PKP4: variants seen among roughly 807,000 people sequenced by gnomAD.
PKP4 encodes the protein plakophilin-4.
In PKP4, 90 loss-of-function variants were observed where a neutral mutation model predicts 145.1. That is an observed-to-expected ratio of 0.62 (90% CI 0.52 to 0.74). The LOEUF (loss-of-function observed/expected upper bound fraction) is 0.74, where lower values mean the gene tolerates loss of function less well. Among genes scored for constraint, PKP4 ranks in the 30% least tolerant of loss-of-function variants. PKP4 has a pLI of 0.00. For synonymous variants in PKP4, 563 were observed against 577.2 expected (o/e 0.98, Z 0.35); for missense variants, 1,340 against 1,482.7 (o/e 0.90, Z 1.58).
At chr2:158,600,117 A>C (rs189034485) in intron 3 of PKP4, among the ~76,000 whole-genome samples, 83 of 152,366 alleles carry the variant, frequency 5.4e-4, no homozygotes, top group East Asian at 5.8e-4. Flanking sequence ...TTTTCGTATT[A>C]AAATGAACTG....
At chr2:158,466,415 G>A (rs937946911) in intron 1 of PKP4, among the ~76,000 whole-genome samples, 6 of 152,040 alleles carry the variant, frequency 3.9e-5, no homozygotes, top group African/African-American at 1.4e-4. Flanking sequence ...AGAAATTAAC[G>A]GCTGGGTGCA....
chr2:158,552,225 A>T (rs1170836754), intron 2 of PKP4, among the ~76,000 whole-genome samples: 1 of 152,198 alleles, frequency 6.6e-6, no homozygotes, highest in African/African-American at 2.4e-5. Flanking sequence ...GGCAAAGAAG[A>T]GGTTTTTCCC....
intron 19 of PKP4, among the ~76,000 whole-genome samples, chr2:158,675,734 T>C (rs1161277430): frequency 6.6e-6 from 1 of 152,226 alleles, no homozygotes; most frequent in South Asian, 2.1e-4. Flanking sequence ...GAGCAGCACA[T>C]AGACATTGTC....
intron 1 of PKP4, among the ~76,000 whole-genome samples, chr2:158,490,331 C>G (rs1694758474): frequency 6.8e-6 from 1 of 147,364 alleles, no homozygotes. Flanking sequence ...TGATAACAGA[C>G]CTGGTCACCA....
chr2:158,570,442 C>G (rs974510150), intron 2 of PKP4, among the ~76,000 whole-genome samples: 1 of 152,200 alleles, frequency 6.6e-6, no homozygotes, highest in Non-Finnish European at 1.5e-5. Flanking sequence ...TCTTAAAAAT[C>G]TAGTCAGTGA....
Position 158,666,500 on chromosome 2 carries a change from G to A in PKP4, c.2665G>A (p.Val889Ile), listed in dbSNP as rs781193133. The change falls in exon 16 of 22, where the codon GTT (valine) becomes ATT (isoleucine). Residue 889 changes from valine to isoleucine, a missense_variant. Val to Ile is a conservative substitution (Grantham distance 29). Coordinates refer to ENST00000389759, the MANE Select transcript of PKP4 (RefSeq NM_003628.6). ...ELLRMDNDRV[V>I]SSVATALRNM... The stretch of plus-strand genomic sequence containing the variant: ...TCTGAGAATGGATAACGATAGAGTT[G>A]TTTCTTCCGTGGCAACAGCCTTGAG... 3 of 1,613,754 alleles carry A rather than the reference G, an allele frequency of 1.9e-6. No homozygotes were observed. Among genetic ancestry groups the A allele is most frequent in the Non-Finnish European group, 2.5e-6 (3 of 1,179,848 alleles).
In PKP4 at chr2:158,630,270, G is replaced by A. The variant is rs182990521; in HGVS notation, c.1154-1483G>A. On this transcript the variant is annotated intron_variant, in intron 7 of 21. Transcript: ENST00000389759. Reference sequence around the variant, plus strand: ...AGAAATTGAAATGTTTGGGTTTGAAGTATACCTTTTTATCATGAGTCCCAT... The same window carrying A: ...AGAAATTGAAATGTTTGGGTTTGAAATATACCTTTTTATCATGAGTCCCAT... Among the ~76,000 whole-genome samples the A allele has an allele frequency of 9.5e-3, 1,447 of 152,240 alleles. 4 individuals are homozygous for A. The highest frequency in any genetic ancestry group is 0.041 in the Middle Eastern group (12 of 294).
At chr2:158,620,946 T>A in intron 4 of PKP4, 44 bp from the exon 5 acceptor site, 1 of 1,566,002 alleles carries the variant, frequency 6.4e-7, no homozygotes, top group Non-Finnish European at 8.8e-7. Flanking sequence ...CAAGTTTTTA[T>A]GTAATGTTAT....
At chr2:158,519,049 T>C (rs1199014445) in intron 1 of PKP4, among the ~76,000 whole-genome samples, 1 of 152,124 alleles carries the variant, frequency 6.6e-6, no homozygotes, top group African/African-American at 2.4e-5. Context: ...TTTCTTCTTT[T>C]TTCTCTTTTC....
chr2:158,568,000 C>T (rs1415637117), intron 2 of PKP4, among the ~76,000 whole-genome samples: 1 of 152,144 alleles, frequency 6.6e-6, no homozygotes, highest in East Asian at 1.9e-4. Flanking sequence ...CAGTGGTTTT[C>T]AACCTTCCGT....
At chr2:158,556,222 T>C (rs556960292) in intron 2 of PKP4, among the ~76,000 whole-genome samples, 2 of 152,186 alleles carry the variant, frequency 1.3e-5, no homozygotes, top group African/African-American at 4.8e-5. Flanking sequence ...GTGAAAAATA[T>C]CTTCATATCG....
rs1249076901 is a variant in PKP4, at chr2:158,642,536, A to C, written c.1746A>C (p.Arg582Ser). Residue 582 changes from arginine (R) to serine (S), a missense_variant, in exon 11 of 22, where the codon AGA becomes AGC. Transcript: ENST00000389759. ...ATCTGGTTGACCTTCTGGACCACAG[A>C]GTTTTGGAAGTTCAGAAGAATGCTT... Reference protein sequence around the residue: ...IKHLVDLLDHRVLEVQKNACG... With the variant: ...IKHLVDLLDHSVLEVQKNACG... 1.9e-6 allele frequency: 3 copies of C among 1,613,562 alleles called. 1 individual carries two copies. In the South Asian group the frequency reaches 3.3e-5, roughly 18 times the overall value.
chr2:158,482,955 G>T (rs142865433), intron 1 of PKP4, among the ~76,000 whole-genome samples: 1 of 152,278 alleles, frequency 6.6e-6, no homozygotes, highest in East Asian at 1.9e-4. Flanking sequence ...CTACACACAG[G>T]CCAATTGGTT....
At chr2:158,548,905 A>C (rs1278774530) in intron 2 of PKP4, 1 of 183,726 alleles carries the variant, frequency 5.4e-6, no homozygotes, top group Non-Finnish European at 1.2e-5. Context: ...CGCACATGAC[A>C]TGGATCCCAT....
chr2:158,656,559 G>A (rs976738300), intron 11 of PKP4, among the ~76,000 whole-genome samples: 2 of 152,136 alleles, frequency 1.3e-5, no homozygotes, highest in Non-Finnish European at 2.9e-5. Context: ...GAGTAGAAAA[G>A]GGGTAAAAGT....
At chr2:158,599,580 C>G (rs985757836) in intron 3 of PKP4, among the ~76,000 whole-genome samples, 2 of 152,088 alleles carry the variant, frequency 1.3e-5, no homozygotes, top group Non-Finnish European at 2.9e-5. Flanking sequence ...AGTCTTGGGC[C>G]CTTTTCAGAG....
intron 9 of PKP4, among the ~76,000 whole-genome samples, chr2:158,635,662 A>G (rs1227495430): frequency 3.9e-5 from 6 of 152,166 alleles, no homozygotes; most frequent in Non-Finnish European, 7.4e-5. Flanking sequence ...TCTATAAACA[A>G]GGACTTCATG....
In PKP4 at chr2:158,640,587, C is replaced by T. The variant is rs755599808; in HGVS notation, c.1563-40C>T. On this transcript the variant is annotated intron_variant, in intron 9 of 21. Coordinates refer to ENST00000389759, the MANE Select transcript of PKP4 (RefSeq NM_003628.6). The stretch of plus-strand genomic sequence containing the variant: ...TGTTTTTTTCAGTGTATTTTTACAA[C>T]ATGGGCCTTCCTTTCTGAAGCCATG... The T allele has an allele frequency of 5.0e-6, 8 of 1,606,982 alleles. No individual in the cohort carries two copies. The Admixed American group carries it at 1.0e-4, about 20-fold the overall frequency.
intron 1 of PKP4, among the ~76,000 whole-genome samples, chr2:158,510,978 T>C (rs1203046946): frequency 6.6e-6 from 1 of 152,236 alleles, no homozygotes; most frequent in Non-Finnish European, 1.5e-5. Context: ...TGCAGCTCAA[T>C]TCCTGTTGTG....
Sources: allele counts gnomAD v4.1 joint callset (sites outside exome capture counted in the v4.1 genomes callset), GRCh38; gene constraint gnomAD v4.1.1; transcripts MANE v1.5; gene names NCBI Gene and HGNC (gene_info 2026-07-23, HGNC 2026-07-21).